The following PALM2AKAP2 variants were observed in gnomAD, a reference collection of about 807,000 sequenced individuals.
The protein encoded by PALM2AKAP2 is PALM2-AKAP2 fusion protein.
PALM2AKAP2 carries 37 observed loss-of-function variants against 71.5 expected under a neutral mutation model. The observed-to-expected ratio is 0.52, with a 90% CI of 0.40 to 0.68. PALM2AKAP2 has a LOEUF of 0.68. Ranked by LOEUF, PALM2AKAP2 falls within the 30% of genes least tolerant of loss-of-function variation. The pLI is 0.00. For missense variants in PALM2AKAP2, 1,224 were observed against 1,191.8 expected, an observed-to-expected ratio of 1.03 and a Z score of -0.40; for synonymous variants, 468 against 478.8, an observed-to-expected ratio of 0.98 and a Z score of 0.29.
intron 6 of PALM2AKAP2, among the ~76,000 whole-genome samples, chr9:110,009,707 CTG>C (rs2132313758): frequency 7.3e-6 from 1 of 136,464 alleles, no homozygotes; most frequent in African/African-American, 3.0e-5. Flanking sequence ...AAGTGAGACT[CTG>C]TCTCAAAAAA....
chr9:109,770,218 T>C (rs1829236999), intron 1 of PALM2AKAP2, among the ~76,000 whole-genome samples: 1 of 152,088 alleles, frequency 6.6e-6, no homozygotes, highest in Non-Finnish European at 1.5e-5. Flanking sequence ...TAAACCACTT[T>C]CTCTTGTTCC....
At chr9:109,666,907 A>G (rs1395054616) in intron 1 of PALM2AKAP2, among the ~76,000 whole-genome samples, 1 of 152,276 alleles carries the variant, frequency 6.6e-6, no homozygotes, top group Admixed American at 6.5e-5. Context: ...AGCAAGCAAC[A>G]GAAACCAGCT....
At chr9:110,015,045 G>A (rs371237771) in intron 6 of PALM2AKAP2, among the ~76,000 whole-genome samples, 129 of 151,814 alleles carry the variant, frequency 8.5e-4, no homozygotes, top group African/African-American at 2.7e-3. Context: ...GTGTCTTGCC[G>A]GATGTCCACT....
intron 1 of PALM2AKAP2, among the ~76,000 whole-genome samples, chr9:109,864,625 G>A (rs897512980): frequency 6.6e-6 from 1 of 152,156 alleles, no homozygotes; most frequent in Non-Finnish European, 1.5e-5. Flanking sequence ...TGCAAATAAA[G>A]TTTTATTAGA....
At chr9:110,084,946 TAGTC>T (rs1366414173) in intron 1 of PALM2AKAP2, among the ~76,000 whole-genome samples, 7 of 152,138 alleles carry the variant, frequency 4.6e-5, no homozygotes, top group Non-Finnish European at 1.0e-4. Flanking sequence ...TTCACTGTGT[TAGTC>T]AGGATGGTCT....
intron 6 of PALM2AKAP2, among the ~76,000 whole-genome samples, chr9:109,964,397 G>A (rs889421563): frequency 7.5e-6 from 1 of 133,862 alleles, no homozygotes; most frequent in Non-Finnish European, 1.6e-5. Flanking sequence ...AGGCAGGAAG[G>A]CCAGTGAGGG....
At chr9:110,044,543 G>A (rs1163523432), upstream of PALM2AKAP2, among the ~76,000 whole-genome samples, 2 of 151,286 alleles carry the variant, frequency 1.3e-5, no homozygotes, top group Non-Finnish European at 3.0e-5. Context: ...GTAGAGACGG[G>A]GTTGCACCAT....
chr9:109,989,655 A>G (rs1262895491), intron 6 of PALM2AKAP2, among the ~76,000 whole-genome samples: 1 of 152,228 alleles, frequency 6.6e-6, no homozygotes, highest in Non-Finnish European at 1.5e-5. Context: ...TGCTGCTGTC[A>G]GGGGTAACAT....
intron 6 of PALM2AKAP2, among the ~76,000 whole-genome samples, chr9:109,996,040 G>T (rs1451867589): frequency 6.6e-6 from 1 of 152,132 alleles, no homozygotes; most frequent in Admixed American, 6.5e-5. Context: ...CCACCAGATG[G>T]GTAGCTGACC....
intron 1 of PALM2AKAP2, among the ~76,000 whole-genome samples, chr9:109,716,596 T>A (rs1243342307): frequency 6.6e-6 from 1 of 152,182 alleles, no homozygotes; most frequent in Non-Finnish European, 1.5e-5. Context: ...GAAAGACTCC[T>A]CCTTCCAAGG....
chr9:109,967,169 T>A (rs2132137427), intron 6 of PALM2AKAP2, among the ~76,000 whole-genome samples: 1 of 152,326 alleles, frequency 6.6e-6, no homozygotes, highest in Middle Eastern at 3.4e-3. Context: ...AGATGCTGGC[T>A]GGCTGTTGGG....
At chr9:109,649,778 G>A (rs1438402274) in intron 1 of PALM2AKAP2, among the ~76,000 whole-genome samples, 2 of 152,328 alleles carry the variant, frequency 1.3e-5, no homozygotes, top group African/African-American at 4.8e-5. Context: ...GGAGACATTA[G>A]CTTTGGATTG....
At chr9:109,781,286 C>G (rs899042035) in intron 1 of PALM2AKAP2, among the ~76,000 whole-genome samples, 1 of 152,218 alleles carries the variant, frequency 6.6e-6, no homozygotes, top group Non-Finnish European at 1.5e-5. Context: ...AATCTTAACA[C>G]AGTGTTGCCA....
chr9:109,827,890 G>T (rs1828196665), intron 1 of PALM2AKAP2, among the ~76,000 whole-genome samples: 1 of 151,650 alleles, frequency 6.6e-6, no homozygotes, highest in East Asian at 1.9e-4. Flanking sequence ...AAAGGTCTCT[G>T]CCTTCAAAGA....
chr9:110,135,164 A>AAAAAAT, intron 1 of PALM2AKAP2, among the ~76,000 whole-genome samples: 2 of 51,744 alleles, frequency 3.9e-5, no homozygotes, highest in East Asian at 1.3e-3. Context: ...AAAAAAAAAA[A>AAAAAAT]ATATATAAAT....
chr9:110,137,837 G>C, exon 2 of PALM2AKAP2: 1 of 1,614,138 alleles, frequency 6.2e-7, no homozygotes, highest in Non-Finnish European at 8.5e-7. Flanking sequence ...CAACCCCTCA[G>C]AGGGCCGAGG....
intron 3 of PALM2AKAP2, among the ~76,000 whole-genome samples, chr9:110,163,866 T>G (rs1488940821): frequency 6.6e-6 from 1 of 152,252 alleles, no homozygotes; most frequent in Non-Finnish European, 1.5e-5. Context: ...TCTCTTTATG[T>G]ACCTATGGAA....
intron 3 of PALM2AKAP2, among the ~76,000 whole-genome samples, chr9:109,906,550 C>A (rs1460653562): frequency 4.6e-5 from 7 of 152,156 alleles, no homozygotes; most frequent in African/African-American, 1.7e-4. Flanking sequence ...GCCTGTGCAG[C>A]CACACAAATG....
chr9:109,721,530 T>C (rs1272872074), intron 1 of PALM2AKAP2, among the ~76,000 whole-genome samples: 1 of 152,240 alleles, frequency 6.6e-6, no homozygotes, highest in Admixed American at 6.5e-5. Context: ...TTTTCTCAGA[T>C]AATTAGTAGA....
Sources: gnomAD v4.1 joint callset for allele counts (sites outside exome capture counted in the v4.1 genomes callset) on GRCh38, gnomAD v4.1.1 for gene constraint, MANE v1.5 for transcripts, NCBI Gene and HGNC (gene_info 2026-07-23, HGNC 2026-07-21) for gene names.